Variants in PRH1 observed in about 807,000 individuals in gnomAD.
PRH1 encodes proline rich protein HaeIII subfamily 1, also known as salivary acidic proline-rich phosphoprotein 1/2.
Under a neutral mutation model 7.9 loss-of-function variants are expected in PRH1, and 7 were observed. The ratio of observed to expected loss-of-function variants is 0.89; its 90% CI spans 0.50 to 1.67. PRH1 has a LOEUF of 1.67. Ranked by LOEUF, PRH1 falls within the 40% of genes most tolerant of loss-of-function variation. PRH1 has a pLI of 0.00. For synonymous variants in PRH1, 45 were observed against 80.8 expected (o/e 0.56, Z 2.38); for missense variants, 109 against 223.6 (o/e 0.49, Z 3.27).
At chr12:11,003,865 A>C (rs188088698) in intron 1 of PRH1, among the ~76,000 whole-genome samples, 1 of 152,180 alleles carries the variant, frequency 6.6e-6, no homozygotes, top group East Asian at 1.9e-4. Context: ...TATTCTTTGT[A>C]AACATGTCCC....
chr12:10,980,225 C>T (rs1383415299), intron 1 of PRH1, among the ~76,000 whole-genome samples: 1 of 152,116 alleles, frequency 6.6e-6, no homozygotes, highest in Admixed American at 6.5e-5. Flanking sequence ...AACTTAAGAA[C>T]TATGATTACT....
chr12:11,069,748 G>C (rs151234216), intron 1 of PRH1, among the ~76,000 whole-genome samples: 985 of 152,118 alleles, frequency 6.5e-3, no homozygotes, highest in Middle Eastern at 0.017. Flanking sequence ...AAATGGAGCT[G>C]AAAAGCTCAT....
intron 2 of PRH1, chr12:10,964,703 G>C (rs190826586): frequency 1.2e-5 from 8 of 647,960 alleles, no homozygotes; most frequent in African/African-American, 9.1e-5. Context: ...GTTGGAATCT[G>C]GAGATCCTTT....
At chr12:10,968,826 G>T (rs1938644641) in intron 2 of PRH1, among the ~76,000 whole-genome samples, 1 of 152,212 alleles carries the variant, frequency 6.6e-6, no homozygotes, top group African/African-American at 2.4e-5. Context: ...CTGGGGGGGT[G>T]CCCGCACCCC....
intron 1 of PRH1, among the ~76,000 whole-genome samples, chr12:11,169,311 A>G (rs966854452): frequency 6.6e-5 from 10 of 152,228 alleles, no homozygotes; most frequent in African/African-American, 2.2e-4. Context: ...GATAAAAACT[A>G]CAACCACCTA....
At chr12:10,922,173 G>A (rs1186830469) in intron 2 of PRH1, among the ~76,000 whole-genome samples, 2 of 152,124 alleles carry the variant, frequency 1.3e-5, no homozygotes, top group Non-Finnish European at 2.9e-5. Context: ...CATGTACTAA[G>A]TAAGCGCAAG....
At chr12:10,933,126 T>C (rs941831284) in intron 2 of PRH1, among the ~76,000 whole-genome samples, 1 of 152,108 alleles carries the variant, frequency 6.6e-6, no homozygotes, top group East Asian at 1.9e-4. Flanking sequence ...ATCTTCAGAG[T>C]AATCAGGTAA....
intron 2 of PRH1, among the ~76,000 whole-genome samples, chr12:10,940,152 G>C (rs1298412407): frequency 6.6e-6 from 1 of 152,030 alleles, no homozygotes; most frequent in Non-Finnish European, 1.5e-5. Flanking sequence ...CTAGAATGCT[G>C]GGTACCAAGA....
chr12:11,134,247 C>T, intron 1 of PRH1: 1 of 1,604,706 alleles, frequency 6.2e-7, no homozygotes, highest in East Asian at 2.2e-5. Context: ...GTTATCATGT[C>T]TGAACAGACA....
At chr12:11,132,417 T>A (rs1946381216) in intron 1 of PRH1, among the ~76,000 whole-genome samples, 1 of 152,278 alleles carries the variant, frequency 6.6e-6, no homozygotes, top group Non-Finnish European at 1.5e-5. Flanking sequence ...GATAAGGATA[T>A]AATTAGCAAT....
chr12:10,984,964 T>C (rs1380479009), intron 1 of PRH1, among the ~76,000 whole-genome samples: 1 of 152,050 alleles, frequency 6.6e-6, no homozygotes, highest in Non-Finnish European at 1.5e-5. Context: ...ACATAGAGTA[T>C]TTTTCTAAGG....
chr12:11,026,614 A>G (rs1303363310), intron 1 of PRH1, among the ~76,000 whole-genome samples: 1 of 152,080 alleles, frequency 6.6e-6, no homozygotes, highest in African/African-American at 2.4e-5. Context: ...GCCGTGACAA[A>G]ACACTTGAAA....
At chr12:10,939,321 A>T in intron 2 of PRH1, 2 of 628,442 alleles carry the variant, frequency 3.2e-6, no homozygotes, top group Non-Finnish European at 5.1e-6. Context: ...TATTCCCTTT[A>T]AAAAGGGAAT....
chr12:11,080,936 T>G (rs1944478893), intron 1 of PRH1, among the ~76,000 whole-genome samples: 1 of 126,592 alleles, frequency 7.9e-6, no homozygotes, highest in Non-Finnish European at 1.8e-5. Flanking sequence ...CTCTAGCTAC[T>G]TTTCAGATTT....
At chr12:10,909,240 C>T (rs749785671) in intron 2 of PRH1, 2 of 1,613,614 alleles carry the variant, frequency 1.2e-6, no homozygotes, top group East Asian at 2.2e-5. Context: ...GCTCAAATTC[C>T]CAATTATGAA....
chr12:11,022,448 A>T (rs749711834), intron 1 of PRH1: 1 of 1,614,156 alleles, frequency 6.2e-7, no homozygotes, highest in South Asian at 1.1e-5. Context: ...TCAGCTGAGG[A>T]GATCTTTCGT....
intron 2 of PRH1, chr12:10,896,908 C>T (rs1386119559): frequency 6.6e-6 from 1 of 152,010 alleles, no homozygotes; most frequent in Admixed American, 6.6e-5. Context: ...AATAAAAATG[C>T]TATAATAATT....
intron 2 of PRH1, among the ~76,000 whole-genome samples, chr12:10,942,226 A>G (rs1218946914): frequency 6.6e-6 from 1 of 151,992 alleles, no homozygotes. Context: ...CTTTCTAGAG[A>G]GCATCAGCTG....
intron 2 of PRH1, among the ~76,000 whole-genome samples, chr12:10,931,533 A>G (rs1260344102): frequency 6.6e-6 from 1 of 152,192 alleles, no homozygotes; most frequent in Non-Finnish European, 1.5e-5. Context: ...AACACATTTC[A>G]CATTTAAAGT....
Sources: gnomAD v4.1 joint callset for allele counts (sites outside exome capture counted in the v4.1 genomes callset) on GRCh38, gnomAD v4.1.1 for gene constraint, MANE v1.5 for transcripts, NCBI Gene and HGNC (gene_info 2026-07-23, HGNC 2026-07-21) for gene names.